The following CLN6 variants were observed in gnomAD, a reference collection of about 807,000 sequenced individuals.
CLN6 encodes the protein CLN6 transmembrane ER protein.
CLN6 carries 22 observed loss-of-function variants against 33.3 expected under a neutral mutation model. That is an observed-to-expected ratio of 0.66 (90% CI 0.47 to 0.94). CLN6 has a LOEUF of 0.94. Ranked by LOEUF, CLN6 falls within the 40% of genes least tolerant of loss-of-function variation. The probability of loss-of-function intolerance (pLI) is 0.00; values close to 1 mark genes in which losing one functional copy is unlikely to be tolerated. For missense variants in CLN6, 387 were observed against 417.1 expected (o/e 0.93, Z 0.63); for synonymous variants, 201 against 174.6 (o/e 1.15, Z -1.19).
chr15:68,214,333 A>C lies in CLN6; in HGVS notation c.254T>G (p.Phe85Cys). Residue 85 changes from phenylalanine to cysteine, a missense_variant, in exon 3 of 7, where the codon TTC becomes TGC. Transcript: ENST00000249806. The part of the protein sequence containing the change: ...PLNKPSVGDY[F>C]HMAYNVITPF... The stretch of plus-strand genomic sequence containing the variant: ...CGTGATGACGTTGTAGGCCATGTGG[A>C]AGTAGTCCCCAACACTGGGCTTGTT... The C allele has an allele frequency of 3.1e-6, 5 of 1,614,096 alleles. No individual in the cohort carries two copies. The highest frequency in any genetic ancestry group is 4.2e-6 in the Non-Finnish European group (5 of 1,179,940).
chr15:68,249,266 T>TTG (rs1370820626), intron 1 of CLN6, among the ~76,000 whole-genome samples: 3 of 151,938 alleles, frequency 2.0e-5, no homozygotes, highest in Non-Finnish European at 2.9e-5. Flanking sequence ...AATACGGAGG[T>TTG]TCCTCAAAAA....
chr15:68,250,611 C>T (rs1267782633), intron 1 of CLN6, among the ~76,000 whole-genome samples: 6 of 131,818 alleles, frequency 4.6e-5, no homozygotes, highest in African/African-American at 8.9e-5. Context: ...GGCGACAGAG[C>T]GAGACTCTGT....
intron 1 of CLN6, among the ~76,000 whole-genome samples, chr15:68,244,871 T>C (rs930726618): frequency 2.0e-5 from 3 of 151,886 alleles, no homozygotes; most frequent in Admixed American, 6.6e-5. Context: ...CTGACCAACA[T>C]GGTGAAACGC....
chr15:68,212,132 C>T, intron 3 of CLN6: 1 of 505,042 alleles, frequency 2.0e-6, no homozygotes, highest in Non-Finnish European at 3.6e-6. Context: ...CCCAAAGTCA[C>T]ACATGAGCTG....
rs1236432334 is a variant in CLN6, at chr15:68,209,096, C to T, written c.665+541G>A. On this transcript the variant is annotated intron_variant, in intron 6 of 6. Coordinates refer to ENST00000249806, the MANE Select transcript of CLN6 (RefSeq NM_017882.3). The surrounding 1 kb of genome is among the most constrained non-coding windows in gnomAD (Gnocchi z 4.9). ...GGAGACTGGCTGAGGCCTAAGTCCT[C>T]TGCAATGGGAAGAAGAGAGAGCCAG... Among the ~76,000 whole-genome samples, 2 of 152,190 alleles carry T rather than the reference C, an allele frequency of 1.3e-5. No individual in the cohort carries two copies. The highest frequency in any genetic ancestry group is 1.3e-4 in the Admixed American group (2 of 15,278).
At chr15:68,230,181 G>T (rs937231279), upstream of CLN6, among the ~76,000 whole-genome samples, 1 of 152,146 alleles carries the variant, frequency 6.6e-6, no homozygotes, top group Non-Finnish European at 1.5e-5. This position sits in a 1 kb window ranked among gnomAD's most constrained non-coding sequence, Gnocchi z 4.0. Flanking sequence ...GAAGGAGCGA[G>T]TTGGTGACAT....
In CLN6 at chr15:68,208,045, G is replaced by T; in HGVS notation, c.*95C>A. 1.4e-6 allele frequency: 2 copies of T among 1,382,250 alleles called. No individual in the cohort carries two copies. The highest frequency in any genetic ancestry group is 1.0e-6 in the Non-Finnish European group (1 of 1,001,408). 85.6% of individuals were successfully genotyped at this position (1,382,250 alleles called of 1,614,324 possible). A position where few individuals can be genotyped will look rare whatever the true frequency, so the allele number is the denominator to read the frequency against. ...CACCCCACTCATGCTCTCGGTCTCT[G>T]GTTACACACCCACACCCCCCCTACT... On this transcript the variant is annotated 3_prime_UTR_variant, in exon 7 of 7. Transcript: ENST00000249806. The surrounding 1 kb of genome is among the most constrained non-coding windows in gnomAD (Gnocchi z 5.8).
chr15:68,218,703 A>T (rs1316317826), intron 1 of CLN6, 53 bp from the exon 2 acceptor site: 28 of 1,359,118 alleles, frequency 2.1e-5, no homozygotes, highest in Middle Eastern at 3.7e-4. Flanking sequence ...CTCCACCAAA[A>T]TCTTCCCCTG....
Position 68,208,417 on chromosome 15 carries a change from A to G in CLN6, c.666-7T>C. The G allele has an allele frequency of 6.2e-7, 1 of 1,612,132 alleles. No individual in the cohort carries two copies. The highest frequency in any genetic ancestry group is 8.5e-7 in the Non-Finnish European group (1 of 1,179,930). Reference sequence around the variant, plus strand: ...GCCCTCGGTGACCAGGTACCTGGAAAGGCCAGGGGTGAGTGAGGCAGCTGC... The same window carrying G: ...GCCCTCGGTGACCAGGTACCTGGAAGGGCCAGGGGTGAGTGAGGCAGCTGC... On this transcript the variant is annotated splice_polypyrimidine_tract_variant and splice_region_variant and intron_variant, in intron 6 of 6. Transcript: ENST00000249806. The surrounding 1 kb of genome is among the most constrained non-coding windows in gnomAD (Gnocchi z 5.8).
At chr15:68,243,443 A>T (rs187349355) in intron 1 of CLN6, among the ~76,000 whole-genome samples, 1 of 152,310 alleles carries the variant, frequency 6.6e-6, no homozygotes, top group African/African-American at 2.4e-5. Context: ...GACTGGATAG[A>T]TATAAAATTT....
At chr15:68,233,202 C>T (rs567458002), upstream of CLN6, among the ~76,000 whole-genome samples, 4 of 149,822 alleles carry the variant, frequency 2.7e-5, no homozygotes, top group East Asian at 7.9e-4. The surrounding 1 kb of genome is among the most constrained non-coding windows in gnomAD (Gnocchi z 4.3). Flanking sequence ...CCACACTCCC[C>T]AATACAGTGT....
In CLN6 at chr15:68,208,658, A is replaced by G. The variant is rs879069544; in HGVS notation, c.666-248T>C. 1.3e-5 allele frequency among the ~76,000 whole-genome samples: 2 copies of G among 152,240 alleles called. No individual in the cohort carries two copies. Among genetic ancestry groups the G allele is most frequent in the Admixed American group, 6.5e-5 (1 of 15,292 alleles). ...TAAATAACAGAATACCTACAAATGT[A>G]TATTTCTGGCTTCTCTGGTCACATT... On this transcript the variant is annotated intron_variant, in intron 6 of 6. Transcript: ENST00000249806. This position sits in a 1 kb window ranked among gnomAD's most constrained non-coding sequence, Gnocchi z 5.8.
intron 1 of CLN6, 149 bp downstream of exon 1, chr15:68,229,353 G>A: frequency 2.0e-6 from 1 of 497,168 alleles, no homozygotes; most frequent in Non-Finnish European, 3.2e-6. Context: ...CCACGGTAGC[G>A]CGCCTCCAAG....
chr15:68,240,307 C>G (rs1892269666), intron 1 of CLN6, among the ~76,000 whole-genome samples: 1 of 152,032 alleles, frequency 6.6e-6, no homozygotes, highest in South Asian at 2.1e-4. Context: ...GATCAACAAG[C>G]CAAGGCCAGG....
intron 1 of CLN6, among the ~76,000 whole-genome samples, chr15:68,255,099 T>G (rs1892420410): frequency 6.6e-6 from 1 of 152,222 alleles, no homozygotes; most frequent in South Asian, 2.1e-4. Flanking sequence ...GAAGCTAGGT[T>G]GATGTGGGGA....
At position 68,209,627 on chromosome 15, in the gene CLN6, G is replaced by A. The variant is rs1254894871; in HGVS notation, c.665+10C>T. On this transcript the variant is annotated intron_variant, in intron 6 of 6. Coordinates refer to ENST00000249806, the MANE Select transcript of CLN6 (RefSeq NM_017882.3). This position sits in a 1 kb window ranked among gnomAD's most constrained non-coding sequence, Gnocchi z 4.9. ...CCCCTGCCTCTGCCCCCATGCTGAT[G>A]TCCACTCACCAGTAGTACAGGCCAC... 6.2e-7 allele frequency: 1 copy of A among 1,612,088 alleles called. No homozygotes were observed. The highest frequency in any genetic ancestry group is 1.1e-5 in the South Asian group (1 of 91,002).
At chr15:68,254,612 G>A (rs1351372674) in intron 1 of CLN6, 9 of 611,246 alleles carry the variant, frequency 1.5e-5, no homozygotes, top group Admixed American at 1.1e-4. Flanking sequence ...CCTATGTCCC[G>A]CCGCCGTTGC....
In CLN6 at chr15:68,209,585, C is replaced by T; in HGVS notation, c.665+52G>A. ...CATTGGCAAGTGCAGAATTTTGCTG[C>T]CGTGGCTCTCTCAGTGCCCCTGCCT... On this transcript the variant is annotated intron_variant, in intron 6 of 6. Transcript: ENST00000249806. This position sits in a 1 kb window ranked among gnomAD's most constrained non-coding sequence, Gnocchi z 4.9. The T allele has an allele frequency of 6.2e-7, 1 of 1,606,676 alleles. No individual in the cohort carries two copies. Among genetic ancestry groups the T allele is most frequent in the Non-Finnish European group, 8.5e-7 (1 of 1,178,706 alleles).
Position 68,227,618 on chromosome 15 carries a change from CA to C in CLN6, c.83+1883del, listed in dbSNP as rs1476576332. Among the ~76,000 whole-genome samples the C allele has an allele frequency of 6.6e-6, 1 of 152,192 alleles. No homozygotes were observed. Among genetic ancestry groups the C allele is most frequent in the African/African-American group, 2.4e-5 (1 of 41,446 alleles). ...TACCCTGGCTGGTGGGGAGCTCACA[CA>C]GGGGAAGAGGGACATGACTCCTTAG... On this transcript the variant is annotated intron_variant, in intron 1 of 6. Transcript: ENST00000249806. The surrounding 1 kb of genome is among the most constrained non-coding windows in gnomAD (Gnocchi z 4.1).
Sources: allele counts gnomAD v4.1 joint callset (sites outside exome capture counted in the v4.1 genomes callset), GRCh38; gene constraint gnomAD v4.1.1; non-coding constraint Gnocchi (gnomAD v3.1); transcripts MANE v1.5; gene names NCBI Gene and HGNC (gene_info 2026-07-23, HGNC 2026-07-21).